The following SHLD1 variants were observed in gnomAD, a reference collection of about 807,000 sequenced individuals.
SHLD1 encodes shieldin complex subunit 1, also known as RINN1-REV7-interacting novel NHEJ regulator 3.
Under a neutral mutation model 5.5 loss-of-function variants are expected in SHLD1, and 3 were observed. That is an observed-to-expected ratio of 0.54 (90% CI 0.25 to 1.40). The LOEUF (loss-of-function observed/expected upper bound fraction) is 1.40. Among genes scored for constraint, SHLD1 ranks in the 40% most tolerant of loss-of-function variants. The probability of loss-of-function intolerance (pLI) is 0.15; values close to 1 mark genes in which losing one functional copy is unlikely to be tolerated. For missense variants in SHLD1, 210 were observed against 244.4 expected (o/e 0.86, Z 0.94); for synonymous variants, 92 against 94.3 (o/e 0.98, Z 0.14).
At chr20:5,779,748 A>G (rs943515592) in intron 2 of SHLD1, among the ~76,000 whole-genome samples, 9 of 152,060 alleles carry the variant, frequency 5.9e-5, no homozygotes, top group Non-Finnish European at 1.2e-4. Flanking sequence ...CCATCCTGGT[A>G]TTTACTCAGT....
chr20:5,858,063 C>A (rs948080323), intron 2 of SHLD1, among the ~76,000 whole-genome samples: 1 of 148,698 alleles, frequency 6.7e-6, no homozygotes, highest in East Asian at 2.0e-4. Context: ...CGCGCCACTG[C>A]ACTCCAGCCT....
intron 2 of SHLD1, among the ~76,000 whole-genome samples, chr20:5,818,210 G>A (rs2087562700): frequency 6.6e-6 from 1 of 151,886 alleles, no homozygotes; most frequent in Non-Finnish European, 1.5e-5. Context: ...CAAGTAGCTG[G>A]GATTACAGAC....
intron 2 of SHLD1, among the ~76,000 whole-genome samples, chr20:5,783,862 C>T (rs1342731759): frequency 6.6e-6 from 1 of 151,964 alleles, no homozygotes; most frequent in African/African-American, 2.4e-5. Context: ...GTTCGAAAAC[C>T]ACTAAGCGGC....
At chr20:5,845,752 A>C (rs925591291) in intron 2 of SHLD1, among the ~76,000 whole-genome samples, 2 of 152,216 alleles carry the variant, frequency 1.3e-5, no homozygotes, top group Non-Finnish European at 2.9e-5. Flanking sequence ...GTTTCTAAAA[A>C]GGAGATTCTG....
intron 2 of SHLD1, among the ~76,000 whole-genome samples, chr20:5,795,883 G>A (rs2087205661): frequency 6.6e-6 from 1 of 151,642 alleles, no homozygotes; most frequent in Non-Finnish European, 1.5e-5. Context: ...TACTCGGGAG[G>A]CTGAGGCAGG....
At chr20:5,787,083 C>T (rs6053691) in intron 2 of SHLD1, among the ~76,000 whole-genome samples, 140,629 of 152,324 alleles carry the variant, frequency 0.92, 65,027 homozygotes, top group East Asian at 1. Flanking sequence ...GGCTTCAGTG[C>T]ATACACATTA....
intron 2 of SHLD1, among the ~76,000 whole-genome samples, chr20:5,808,249 C>CAGCCTGGGTGACAG (rs11267603): frequency 0.95 from 144,536 of 151,796 alleles, 68,870 homozygotes; most frequent in East Asian, 1. Context: ...CACTGCACTC[C>CAGCCTGGGTGACAG]AGCAAGACTC....
intron 2 of SHLD1, among the ~76,000 whole-genome samples, chr20:5,808,915 C>T (rs928126121): frequency 1.3e-5 from 2 of 150,904 alleles, no homozygotes; most frequent in African/African-American, 5.0e-5. Context: ...TTAATATTAT[C>T]GGTTAGGAGT....
chr20:5,839,174 C>T (rs2087825537), intron 2 of SHLD1, among the ~76,000 whole-genome samples: 1 of 152,182 alleles, frequency 6.6e-6, no homozygotes, highest in Non-Finnish European at 1.5e-5. Context: ...TTTACCCTTC[C>T]AAAACTGGCA....
chr20:5,860,967 A>G (rs61639159), intron 2 of SHLD1, among the ~76,000 whole-genome samples: 3,429 of 150,008 alleles, frequency 0.023, 156 homozygotes, highest in African/African-American at 0.08. Context: ...TGGAAATACC[A>G]TCCCTGCTAT....
intron 2 of SHLD1, among the ~76,000 whole-genome samples, chr20:5,792,786 G>A (rs2087160010): frequency 6.6e-6 from 1 of 151,864 alleles, no homozygotes; most frequent in Non-Finnish European, 1.5e-5. Flanking sequence ...AGATTCATGT[G>A]CCTCAGCCTC....
intron 2 of SHLD1, among the ~76,000 whole-genome samples, chr20:5,794,472 A>C (rs987897076): frequency 6.6e-6 from 1 of 152,256 alleles, no homozygotes; most frequent in African/African-American, 2.4e-5. Context: ...TCGGATTAAC[A>C]CTGACCAAAA....
intron 2 of SHLD1, among the ~76,000 whole-genome samples, chr20:5,853,593 A>G (rs2088040757): frequency 6.6e-6 from 1 of 152,144 alleles, no homozygotes; most frequent in Non-Finnish European, 1.5e-5. Flanking sequence ...ACTTTGACTG[A>G]TTGGGTTGTT....
chr20:5,809,567 G>A (rs1174785595), intron 2 of SHLD1, among the ~76,000 whole-genome samples: 1 of 152,026 alleles, frequency 6.6e-6, no homozygotes, highest in East Asian at 1.9e-4. Flanking sequence ...CTAGCTGGAT[G>A]AATTATCTTC....
chr20:5,817,936 G>C (rs1366133168), intron 2 of SHLD1, among the ~76,000 whole-genome samples: 1 of 152,190 alleles, frequency 6.6e-6, no homozygotes, highest in Non-Finnish European at 1.5e-5. Flanking sequence ...AGTGCCTCCA[G>C]CAGAACACTG....
chr20:5,834,717 A>G (rs972238232), intron 2 of SHLD1, among the ~76,000 whole-genome samples: 1 of 152,220 alleles, frequency 6.6e-6, no homozygotes, highest in South Asian at 2.1e-4. Flanking sequence ...TTGGGCTTCT[A>G]TAACAAAATA....
intron 2 of SHLD1, among the ~76,000 whole-genome samples, chr20:5,830,654 C>T (rs989444199): frequency 2.0e-5 from 3 of 150,030 alleles, no homozygotes; most frequent in African/African-American, 7.4e-5. Context: ...CGCCATTGCA[C>T]TCCAGCCTGG....
At chr20:5,800,466 G>A (rs539660835) in intron 2 of SHLD1, among the ~76,000 whole-genome samples, 1 of 152,292 alleles carries the variant, frequency 6.6e-6, no homozygotes, top group South Asian at 2.1e-4. Flanking sequence ...GGCCAAGGTG[G>A]GTGGATCACT....
At chr20:5,857,271 T>C (rs888090182) in intron 2 of SHLD1, among the ~76,000 whole-genome samples, 4 of 152,142 alleles carry the variant, frequency 2.6e-5, no homozygotes, top group Non-Finnish European at 5.9e-5. Context: ...CAAATTAAAA[T>C]GTTTTAAACA....
Sources: gnomAD v4.1 joint callset for allele counts (sites outside exome capture counted in the v4.1 genomes callset) on GRCh38, gnomAD v4.1.1 for gene constraint, MANE v1.5 for transcripts, NCBI Gene and HGNC (gene_info 2026-07-23, HGNC 2026-07-21) for gene names.